The following FARP1 variants were observed in gnomAD, a reference collection of about 807,000 sequenced individuals.
The protein encoded by FARP1 is FERM, ARHGEF and pleckstrin domain-containing protein 1.
Under a neutral mutation model 128.8 loss-of-function variants are expected in FARP1, and 52 were observed. That is an observed-to-expected ratio of 0.40 (90% CI 0.32 to 0.51). The LOEUF (loss-of-function observed/expected upper bound fraction) is 0.51. Among genes scored for constraint, FARP1 ranks in the 20% least tolerant of loss-of-function variants. The pLI, the probability that FARP1 is intolerant of heterozygous loss-of-function variation, is 0.45. For missense variants in FARP1, 1,333 were observed against 1,367.9 expected, an observed-to-expected ratio of 0.97 and a Z score of 0.40; for synonymous variants, 580 against 551.8, an observed-to-expected ratio of 1.05 and a Z score of -0.72.
intron 1 of FARP1, among the ~76,000 whole-genome samples, chr13:98,167,916 T>C (rs1877385048): frequency 6.6e-6 from 1 of 151,808 alleles, no homozygotes; most frequent in African/African-American, 2.4e-5. Flanking sequence ...CTCACGCCTG[T>C]AATCCCAGCA....
intron 2 of FARP1, among the ~76,000 whole-genome samples, chr13:98,279,141 A>G (rs1328481264): frequency 6.6e-6 from 1 of 151,992 alleles, no homozygotes; most frequent in Non-Finnish European, 1.5e-5. Flanking sequence ...GGCCCATTTT[A>G]ATGTTTTTTA....
At chr13:98,359,825 T>G (rs1470626597) in intron 3 of FARP1, among the ~76,000 whole-genome samples, 1 of 152,178 alleles carries the variant, frequency 6.6e-6, no homozygotes, top group South Asian at 2.1e-4. Context: ...GCTCACACAA[T>G]GCCAAGGTCA....
chr13:98,150,491 GAAT>G (rs1875918339), intron 1 of FARP1, among the ~76,000 whole-genome samples: 1 of 152,160 alleles, frequency 6.6e-6, no homozygotes. Context: ...TACATAGTAT[GAAT>G]ATTTTCACCC....
At chr13:98,172,266 C>T (rs1256649181) in intron 1 of FARP1, among the ~76,000 whole-genome samples, 4 of 151,784 alleles carry the variant, frequency 2.6e-5, no homozygotes, top group Middle Eastern at 3.4e-3. Context: ...CGGTGGCTGT[C>T]GGCCCAGAGT....
intron 2 of FARP1, among the ~76,000 whole-genome samples, chr13:98,256,959 A>G (rs868184108): frequency 0.066 from 7,064 of 106,444 alleles, 581 homozygotes; most frequent in African/African-American, 0.16. Context: ...ATATATATAT[A>G]TATATATATA....
At chr13:98,205,519 AG>A (rs972448398) in intron 1 of FARP1, among the ~76,000 whole-genome samples, 4 of 151,936 alleles carry the variant, frequency 2.6e-5, no homozygotes, top group African/African-American at 9.7e-5. Context: ...TAGCTTCCTG[AG>A]TAGCTGGGAC....
chr13:98,184,500 A>G (rs1262468784), intron 1 of FARP1, among the ~76,000 whole-genome samples: 1 of 152,226 alleles, frequency 6.6e-6, no homozygotes, highest in Admixed American at 6.5e-5. Context: ...AAAATTGTTC[A>G]TACTATATTA....
chr13:98,261,827 G>A (rs2389983), intron 2 of FARP1, among the ~76,000 whole-genome samples: 1 of 151,952 alleles, frequency 6.6e-6, no homozygotes, highest in Non-Finnish European at 1.5e-5. Flanking sequence ...ACTCACTGTT[G>A]CTGTGGGGAG....
At chr13:98,266,871 G>A (rs1273284797) in intron 2 of FARP1, among the ~76,000 whole-genome samples, 1 of 151,882 alleles carries the variant, frequency 6.6e-6, no homozygotes, top group Non-Finnish European at 1.5e-5. Context: ...AAAATTAGCC[G>A]GGTGCGGTGG....
rs556601725 is a variant in FARP1 at position 98,339,409 on chromosome 13, C to T, written c.172-4353C>T. 2.6e-5 allele frequency among the ~76,000 whole-genome samples: 4 copies of T among 152,298 alleles called. No individual in the cohort carries two copies. In the East Asian group the frequency reaches 7.7e-4, roughly 29 times the overall value. On this transcript the variant is annotated intron_variant, in intron 2 of 26. Transcript: ENST00000319562. ...GAACAGCAAGGGGGAAATCTGCCCC[C>T]ATGATCCAGCTACCTCCCACCAGGT...
intron 2 of FARP1, chr13:98,333,797 G>C (rs1248209014): frequency 6.6e-6 from 1 of 151,966 alleles, no homozygotes; most frequent in African/African-American, 2.4e-5. Flanking sequence ...TAGCTACTTT[G>C]CCCCAGAATG....
chr13:98,315,976 A>G (rs1374288899), intron 2 of FARP1, among the ~76,000 whole-genome samples: 1 of 152,164 alleles, frequency 6.6e-6, no homozygotes, highest in African/African-American at 2.4e-5. Context: ...GGACAGTATC[A>G]CCAGTGCCTT....
intron 3 of FARP1, among the ~76,000 whole-genome samples, chr13:98,346,676 C>T (rs1050419708): frequency 2.6e-5 from 4 of 151,996 alleles, no homozygotes; most frequent in African/African-American, 9.7e-5. Flanking sequence ...ACCCAGGAGG[C>T]AGAGGTTGCA....
intron 2 of FARP1, among the ~76,000 whole-genome samples, chr13:98,231,801 T>C (rs1169631958): frequency 6.6e-6 from 1 of 152,180 alleles, no homozygotes; most frequent in Non-Finnish European, 1.5e-5. Context: ...TAAAATATCC[T>C]CTTTAAAATT....
At chr13:98,281,045 A>T (rs558004655) in intron 2 of FARP1, among the ~76,000 whole-genome samples, 1 of 152,368 alleles carries the variant, frequency 6.6e-6, no homozygotes, top group East Asian at 1.9e-4. Context: ...TATATTTATT[A>T]ATAATGGCTA....
intron 2 of FARP1, among the ~76,000 whole-genome samples, chr13:98,242,904 A>C (rs578121885): frequency 6.6e-6 from 1 of 152,260 alleles, no homozygotes; most frequent in East Asian, 1.9e-4. Flanking sequence ...TTCAGATTGC[A>C]TTTTCTGTGG....
chr13:98,318,285 C>T (rs1594395730), intron 2 of FARP1, among the ~76,000 whole-genome samples: 1 of 152,054 alleles, frequency 6.6e-6, no homozygotes, highest in East Asian at 1.9e-4. Flanking sequence ...TCTCAAACTC[C>T]TGAGCTTGCA....
intron 2 of FARP1, among the ~76,000 whole-genome samples, chr13:98,263,073 A>G (rs966973477): frequency 5.9e-5 from 9 of 152,058 alleles, no homozygotes; most frequent in African/African-American, 1.9e-4. Flanking sequence ...CCGTCGCGCA[A>G]TCTCGGCTCA....
chr13:98,209,271 G>A (rs138451401), intron 1 of FARP1, among the ~76,000 whole-genome samples: 14,461 of 151,648 alleles, frequency 0.095, 785 homozygotes, highest in South Asian at 0.2. Context: ...GCCTCCCAAA[G>A]TGCTGGGATT....
Sources: gnomAD v4.1 joint callset for allele counts (sites outside exome capture counted in the v4.1 genomes callset) on GRCh38, gnomAD v4.1.1 for gene constraint, MANE v1.5 for transcripts, NCBI Gene and HGNC (gene_info 2026-07-23, HGNC 2026-07-21) for gene names.